The following RANBP9 variants were observed in gnomAD, a reference collection of about 807,000 sequenced individuals.
RANBP9 encodes the protein RAN binding protein 9.
A neutral mutation model predicts 84.3 loss-of-function variants in RANBP9; 15 were observed. That is an observed-to-expected ratio of 0.18 (90% CI 0.12 to 0.27). The LOEUF is 0.27. RANBP9 is among the 10% of genes least tolerant of loss of function. The probability of loss-of-function intolerance (pLI) is 1.00; values close to 1 mark genes in which losing one functional copy is unlikely to be tolerated. For synonymous variants in RANBP9, 392 were observed against 349.6 expected (o/e 1.12, Z -1.35); for missense variants, 809 against 912.8 (o/e 0.89, Z 1.46).
chr6:13,642,767 T>C (rs3752501), intron 6 of RANBP9, among the ~76,000 whole-genome samples, 176 bp from the exon 7 acceptor site: 46,619 of 152,054 alleles, frequency 0.31, 7,491 homozygotes, highest in Admixed American at 0.43. Context: ...TTTTGTTCTA[T>C]TCATGTACTA....
At chr6:13,658,541 C>T (rs1266725060) in intron 3 of RANBP9, among the ~76,000 whole-genome samples, 1 of 152,180 alleles carries the variant, frequency 6.6e-6, no homozygotes, top group Non-Finnish European at 1.5e-5. Flanking sequence ...TCCCAGGAGG[C>T]AGAGGTTGCA....
Position 13,711,681 on chromosome 6 carries a change from G to A in RANBP9, c.-176C>T, listed in dbSNP as rs1195753542. 4.7e-6 allele frequency: 2 copies of A among 423,220 alleles called. No homozygotes were observed. Among genetic ancestry groups the A allele is most frequent in the African/African-American group, 2.1e-5 (1 of 47,122 alleles). 26.2% of individuals were successfully genotyped at this position (423,220 alleles called of 1,614,324 possible). On this transcript the variant is annotated 5_prime_UTR_variant, in exon 1 of 14. Transcript: ENST00000011619. ...GGCGGTTGAGGAGCTCGGAGACGCG[G>A]GAGTAGGCGGCGGGCCCGGGAGGCC... is the stretch of plus-strand genomic sequence containing the variant.
At chr6:13,629,870 CTCAA>C (rs1312639882) in intron 12 of RANBP9, among the ~76,000 whole-genome samples, 1 of 150,756 alleles carries the variant, frequency 6.6e-6, no homozygotes, top group Non-Finnish European at 1.5e-5. Flanking sequence ...AATCAAATCT[CTCAA>C]TCTCTCTCTC....
At chr6:13,668,142 T>A (rs1250558954) in intron 2 of RANBP9, among the ~76,000 whole-genome samples, 1 of 151,928 alleles carries the variant, frequency 6.6e-6, no homozygotes, top group African/African-American at 2.4e-5. Flanking sequence ...CTAAAAAGGA[T>A]CATAAGAAAA....
chr6:13,658,304 A>G (rs1334992287), intron 3 of RANBP9, among the ~76,000 whole-genome samples: 2 of 152,158 alleles, frequency 1.3e-5, no homozygotes, highest in Non-Finnish European at 2.9e-5. Context: ...GTGAAATTTA[A>G]ATTTATTAAA....
chr6:13,650,719 G>A (rs369283040), intron 5 of RANBP9, among the ~76,000 whole-genome samples: 39 of 152,246 alleles, frequency 2.6e-4, no homozygotes, highest in African/African-American at 9.1e-4. Context: ...CTTAAAAAAT[G>A]TTCTTGATGA....
intron 2 of RANBP9, among the ~76,000 whole-genome samples, chr6:13,691,654 TTTTG>T (rs541694251): frequency 5.2e-4 from 79 of 152,236 alleles, no homozygotes; most frequent in African/African-American, 1.6e-3. Context: ...AGTGTTTTTT[TTTTG>T]TTTGTTTGTA....
Position 13,628,203 on chromosome 6 carries a change from CTAAA to C in RANBP9, c.1948-2443_1948-2440del, listed in dbSNP as rs138184901. On this transcript the variant is annotated intron_variant, in intron 12 of 13. Coordinates refer to ENST00000011619, the MANE Select transcript of RANBP9 (RefSeq NM_005493.3). ...GATGCAGATTCTTTTAGTTACCAAT[CTAAA>C]TGTTAAGAAGAAAAAACATCTAAAA... Among the ~76,000 whole-genome samples, 1,026 of 152,240 alleles carry C rather than the reference CTAAA, an allele frequency of 6.7e-3. 11 individuals carry two copies. Among genetic ancestry groups the C allele is most frequent in the African/African-American group, 0.022 (913 of 41,536 alleles).
At chr6:13,682,394 T>TA (rs1766063794) in intron 2 of RANBP9, among the ~76,000 whole-genome samples, 1 of 125,518 alleles carries the variant, frequency 8.0e-6, no homozygotes, top group African/African-American at 3.0e-5. Context: ...TGAAGCAAAA[T>TA]TAAAAAAAAA....
chr6:13,677,437 A>G (rs1436752234), intron 2 of RANBP9, among the ~76,000 whole-genome samples: 1 of 152,214 alleles, frequency 6.6e-6, no homozygotes, highest in Non-Finnish European at 1.5e-5. Flanking sequence ...ATTCATGTAT[A>G]TAAGTTACTG....
At chr6:13,632,770 G>A (rs1764825717) in intron 11 of RANBP9, 2 of 287,188 alleles carry the variant, frequency 7.0e-6, no homozygotes, top group African/African-American at 4.5e-5. Flanking sequence ...TTCAGTGTTA[G>A]AGGGTACTTA....
chr6:13,666,630 A>AAATT, intron 2 of RANBP9, among the ~76,000 whole-genome samples: 1 of 126,648 alleles, frequency 7.9e-6, no homozygotes, highest in African/African-American at 2.9e-5. Flanking sequence ...AAAAAAAAAG[A>AAATT]TTGGCAGGGT....
At chr6:13,678,028 A>G (rs911646044) in intron 2 of RANBP9, among the ~76,000 whole-genome samples, 4 of 152,152 alleles carry the variant, frequency 2.6e-5, no homozygotes, top group Non-Finnish European at 4.4e-5. Context: ...CTGAGGTGGG[A>G]GGATCACTAA....
chr6:13,681,358 A>AAACTCAC (rs1460898099), intron 2 of RANBP9, among the ~76,000 whole-genome samples: 2 of 152,092 alleles, frequency 1.3e-5, no homozygotes, highest in Non-Finnish European at 2.9e-5. Flanking sequence ...CTATTTGTCA[A>AAACTCAC]AACTCACAAC....
At chr6:13,669,820 T>A (rs1765732836) in intron 2 of RANBP9, among the ~76,000 whole-genome samples, 1 of 152,168 alleles carries the variant, frequency 6.6e-6, no homozygotes, top group Admixed American at 6.5e-5. Context: ...CTCAAACTCC[T>A]GGGCTCAAGC....
At chr6:13,658,936 G>T (rs777256967) in intron 2 of RANBP9, 104 bp from the exon 3 acceptor site, 2 of 1,124,342 alleles carry the variant, frequency 1.8e-6, no homozygotes, top group Non-Finnish European at 2.7e-6. Context: ...GCCCAAGTTG[G>T]AACTCCTAAG....
At chr6:13,675,425 G>C (rs1419644494) in intron 2 of RANBP9, among the ~76,000 whole-genome samples, 1 of 152,078 alleles carries the variant, frequency 6.6e-6, no homozygotes, top group Non-Finnish European at 1.5e-5. Context: ...GAAGTCTAAA[G>C]AGAAATTTAA....
At chr6:13,673,357 G>A (rs561825446) in intron 2 of RANBP9, among the ~76,000 whole-genome samples, 1 of 152,236 alleles carries the variant, frequency 6.6e-6, no homozygotes, top group East Asian at 1.9e-4. Flanking sequence ...AAAAATAGAG[G>A]GAACTTGTGG....
chr6:13,689,374 G>T (rs916720694), intron 2 of RANBP9, among the ~76,000 whole-genome samples: 4 of 151,430 alleles, frequency 2.6e-5, no homozygotes, highest in African/African-American at 9.7e-5. Context: ...GGGTTCAAGC[G>T]ATTCTTCTGC....
Sources: allele counts gnomAD v4.1 joint callset (sites outside exome capture counted in the v4.1 genomes callset), GRCh38; gene constraint gnomAD v4.1.1; transcripts MANE v1.5; gene names NCBI Gene and HGNC (gene_info 2026-07-23, HGNC 2026-07-21).